ELP4: variants seen among roughly 807,000 people sequenced by gnomAD.
ELP4 encodes elongator acetyltransferase complex subunit 4.
ELP4 carries 51 observed loss-of-function variants against 48.9 expected under a neutral mutation model. The ratio of observed to expected loss-of-function variants is 1.04; its 90% CI spans 0.83 to 1.32. ELP4 has a LOEUF of 1.32. ELP4 is among the 40% of genes most tolerant of loss of function. The probability of loss-of-function intolerance (pLI) is 0.00; values close to 1 mark genes in which losing one functional copy is unlikely to be tolerated. For synonymous variants in ELP4, 210 were observed against 189.2 expected, an observed-to-expected ratio of 1.11 and a Z score of -0.90; for missense variants, 519 against 514.6, an observed-to-expected ratio of 1.01 and a Z score of -0.08.
At chr11:31,570,676 G>A (rs972189005) in intron 3 of ELP4, among the ~76,000 whole-genome samples, 18 of 151,022 alleles carry the variant, frequency 1.2e-4, no homozygotes, top group South Asian at 4.2e-4. Context: ...GTTGCACCAT[G>A]TTGGCCAGGC....
Position 31,790,004 on chromosome 11 carries a change from C to A in ELP4, c.*6480C>A. 6.3e-7 allele frequency: 1 copy of A among 1,592,278 alleles called. No individual in the cohort carries two copies. Among genetic ancestry groups the A allele is most frequent in the Non-Finnish European group, 8.5e-7 (1 of 1,175,702 alleles). On this transcript the variant is annotated 3_prime_UTR_variant, in exon 10 of 10. Coordinates refer to ENST00000640961, the MANE Select transcript of ELP4 (RefSeq NM_019040.5). ...GGGAACTTGAACTGGAACTGACACA[C>A]CAGGGGAAATGAGTCCTAGAAGTGG...
At chr11:31,586,305 TACAAAG>T (rs1288579602) in intron 3 of ELP4, among the ~76,000 whole-genome samples, 27 of 152,182 alleles carry the variant, frequency 1.8e-4, no homozygotes, top group African/African-American at 6.5e-4. Context: ...AAATGTGAAA[TACAAAG>T]ACAAAGTTTT....
At chr11:31,692,094 T>C (rs1301754545) in intron 9 of ELP4, among the ~76,000 whole-genome samples, 1 of 152,180 alleles carries the variant, frequency 6.6e-6, no homozygotes, top group African/African-American at 2.4e-5. Context: ...GAGAAACTTC[T>C]TACTCAGAAG....
chr11:31,681,158 C>G (rs1946043818), intron 9 of ELP4, among the ~76,000 whole-genome samples: 1 of 152,094 alleles, frequency 6.6e-6, no homozygotes, highest in African/African-American at 2.4e-5. Flanking sequence ...GAGGATAGGT[C>G]TGAAATAAGA....
At chr11:31,631,068 C>T (rs1216527041) in intron 6 of ELP4, among the ~76,000 whole-genome samples, 1 of 152,118 alleles carries the variant, frequency 6.6e-6, no homozygotes, top group Admixed American at 6.6e-5. Context: ...CATTTACTAG[C>T]TTATGTTCCT....
intron 9 of ELP4, among the ~76,000 whole-genome samples, chr11:31,755,730 CAAA>C (rs58181247): frequency 1.1e-4 from 11 of 99,244 alleles, no homozygotes; most frequent in Non-Finnish European, 1.4e-4. Context: ...CCTGGAATTA[CAAA>C]AAAAAAAAAA....
rs1946076675 is a variant in ELP4, at chr11:31,682,605, G to A, written c.1143+32384G>A. 2.0e-5 allele frequency among the ~76,000 whole-genome samples: 3 copies of A among 152,078 alleles called. No individual in the cohort carries two copies. In the South Asian group the frequency reaches 6.2e-4, roughly 32 times the overall value. On this transcript the variant is annotated intron_variant, in intron 9 of 9. Coordinates refer to ENST00000640961, the MANE Select transcript of ELP4 (RefSeq NM_019040.5). ...ATGATACTGTATTAGCTCAAGTTGAGTAAGTATAAGAAATACTACCATGTG... is the reference window on the plus strand; with the variant it reads ...ATGATACTGTATTAGCTCAAGTTGAATAAGTATAAGAAATACTACCATGTG...
intron 9 of ELP4, among the ~76,000 whole-genome samples, chr11:31,740,435 G>C (rs1947419089): frequency 6.6e-6 from 1 of 152,194 alleles, no homozygotes; most frequent in Non-Finnish European, 1.5e-5. Flanking sequence ...CTGTTTAATA[G>C]TACACAATAA....
chr11:31,644,500 C>T (rs921921119), intron 7 of ELP4, among the ~76,000 whole-genome samples: 2 of 151,724 alleles, frequency 1.3e-5, no homozygotes. Context: ...AGTTTCAAGG[C>T]CTCTGCTCAG....
Position 31,709,588 on chromosome 11 carries a change from ACT to A in ELP4, c.1143+59370_1143+59371del, listed in dbSNP as rs1234392351. Among the ~76,000 whole-genome samples the A allele has an allele frequency of 4.6e-5, 7 of 152,144 alleles. No homozygotes were observed. The South Asian group carries it at 1.0e-3, about 22-fold the overall frequency. Reference sequence around the variant, plus strand: ...TCTGCGGACTTGGATTTTAGTCCCAACTCTGCCATTTACTAATTGTCTGACTT... The same window carrying A: ...TCTGCGGACTTGGATTTTAGTCCCAACTGCCATTTACTAATTGTCTGACTT... On this transcript the variant is annotated intron_variant, in intron 9 of 9. Coordinates refer to ENST00000640961, the MANE Select transcript of ELP4 (RefSeq NM_019040.5).
intron 9 of ELP4, among the ~76,000 whole-genome samples, chr11:31,752,801 T>C (rs1272311519): frequency 7.4e-6 from 1 of 135,908 alleles, no homozygotes; most frequent in African/African-American, 2.8e-5. Context: ...GCCACTGAAC[T>C]CCAGCCTGGA....
chr11:31,539,692 T>C lies in ELP4; in HGVS notation c.290T>C (p.Leu97Ser), dbSNP rs780582806. ...EEDKYNIYSP[L>S]LFKYFLAEGI... is the part of the protein sequence containing the mutation. ...GATAAATATAATATTTACTCACCTT[T>C]GCTCTTCAAGTATTTCCTGGCAGAA... Residue 97 changes from leucine (L) to serine (S), a missense_variant, in exon 3 of 10, where the codon TTG (leucine) becomes TCG (serine). Coordinates refer to ENST00000640961, the MANE Select transcript of ELP4 (RefSeq NM_019040.5). The C allele has an allele frequency of 6.2e-7, 1 of 1,610,050 alleles. No individual in the cohort carries two copies. The highest frequency in any genetic ancestry group is 8.5e-7 in the Non-Finnish European group (1 of 1,178,038).
At chr11:31,634,825 G>A (rs1325534076) in intron 7 of ELP4, among the ~76,000 whole-genome samples, 3 of 151,920 alleles carry the variant, frequency 2.0e-5, no homozygotes, top group Non-Finnish European at 4.4e-5. Context: ...GTCAGATTTT[G>A]GTAATGAGTA....
intron 5 of ELP4, among the ~76,000 whole-genome samples, chr11:31,615,150 G>A (rs1592160730): frequency 6.6e-6 from 1 of 151,630 alleles, no homozygotes; most frequent in South Asian, 2.1e-4. Flanking sequence ...AGTGGAATGG[G>A]AAAAAAAAGA....
At chr11:31,763,506 T>C in intron 9 of ELP4, 1 of 1,611,130 alleles carries the variant, frequency 6.2e-7, no homozygotes, top group Non-Finnish European at 8.5e-7. Context: ...GGGGAGAAGG[T>C]TCTTTACAGC....
chr11:31,729,062 TTC>T (rs549578404), intron 9 of ELP4, among the ~76,000 whole-genome samples: 105 of 152,288 alleles, frequency 6.9e-4, no homozygotes, highest in African/African-American at 2.4e-3. Flanking sequence ...CTGGCTCTCT[TTC>T]TCTTCCAAAT....
intron 9 of ELP4, among the ~76,000 whole-genome samples, chr11:31,701,089 A>G (rs959374827): frequency 1.3e-5 from 2 of 152,084 alleles, no homozygotes; most frequent in Non-Finnish European, 2.9e-5. Context: ...TGTGTTTTTA[A>G]TGTTTCAAAT....
intron 9 of ELP4, among the ~76,000 whole-genome samples, chr11:31,713,823 C>T (rs946980834): frequency 6.6e-6 from 1 of 152,118 alleles, no homozygotes; most frequent in Non-Finnish European, 1.5e-5. Flanking sequence ...CCCTGTGGAC[C>T]TATCAACCTT....
rs1434946238 is a variant in ELP4 at position 31,568,242 on chromosome 11, A to G, written c.382-26528A>G. Among the ~76,000 whole-genome samples the G allele has an allele frequency of 5.3e-5, 8 of 152,348 alleles. No homozygotes were observed. In the South Asian group the frequency reaches 1.0e-3, roughly 20 times the overall value. On this transcript the variant is annotated intron_variant, in intron 3 of 9. Coordinates refer to ENST00000640961, the MANE Select transcript of ELP4 (RefSeq NM_019040.5). The stretch of plus-strand genomic sequence containing the variant: ...AATAAAATACTTAGGAATACGGCTA[A>G]CCAAGGAGGTGAAAGTGAACTACAA...
Sources: gnomAD v4.1 joint callset for allele counts (sites outside exome capture counted in the v4.1 genomes callset) on GRCh38, gnomAD v4.1.1 for gene constraint, MANE v1.5 for transcripts, NCBI Gene and HGNC (gene_info 2026-07-23, HGNC 2026-07-21) for gene names.